The following CYP4F22 variants were observed in gnomAD, a reference collection of about 807,000 sequenced individuals.
CYP4F22 encodes cytochrome P450 family 4 subfamily F member 22.
CYP4F22 carries 37 observed loss-of-function variants against 60.4 expected under a neutral mutation model. The ratio of observed to expected loss-of-function variants is 0.61; its 90% CI spans 0.47 to 0.81. CYP4F22 has a LOEUF of 0.81. Ranked by LOEUF, CYP4F22 falls within the 30% of genes least tolerant of loss-of-function variation. The pLI is 0.00. For missense variants in CYP4F22, 655 were observed against 715.0 expected (o/e 0.92, Z 0.96); for synonymous variants, 258 against 280.5 (o/e 0.92, Z 0.80).
chr19:15,550,762 C>A lies in CYP4F22; in HGVS notation c.1418+6C>A. 6.2e-7 allele frequency: 1 copy of A among 1,614,086 alleles called. No individual in the cohort carries two copies. The highest frequency in any genetic ancestry group is 8.5e-7 in the Non-Finnish European group (1 of 1,179,948). ...CCCTTCTCTGCAGGACCCAGGTAAC[C>A]CCTCTATTTCCCCTAGTCCAAGCCA... On this transcript the variant is annotated splice_donor_region_variant and intron_variant, in intron 13 of 13. Coordinates refer to ENST00000269703, the MANE Select transcript of CYP4F22 (RefSeq NM_173483.4).
At chr19:15,529,574 G>C in intron 3 of CYP4F22, 135 bp from the exon 4 acceptor site, 1 of 1,186,094 alleles carries the variant, frequency 8.4e-7, no homozygotes, top group East Asian at 2.5e-5. Flanking sequence ...GGCCCAGGGA[G>C]GTGCAGCCAA....
intron 1 of CYP4F22, among the ~76,000 whole-genome samples, chr19:15,520,206 C>T (rs1284869232): frequency 2.6e-5 from 4 of 151,654 alleles, no homozygotes; most frequent in East Asian, 1.9e-4. Context: ...ATTAGCTGGG[C>T]GTGGTGGTGG....
At chr19:15,537,723 A>G (rs1311425706) in intron 6 of CYP4F22, 61 bp downstream of exon 6, 4 of 1,607,142 alleles carry the variant, frequency 2.5e-6, no homozygotes, top group Admixed American at 1.7e-5. Context: ...CCAGGCTCCA[A>G]CTCATGCATG....
At chr19:15,545,115 A>C (rs865984923) in intron 10 of CYP4F22, among the ~76,000 whole-genome samples, 7 of 148,986 alleles carry the variant, frequency 4.7e-5, no homozygotes, top group Non-Finnish European at 8.9e-5. Context: ...AAAAAAAAAA[A>C]ACAAAAGCTG....
At chr19:15,528,609 A>G (rs943933099) in intron 3 of CYP4F22, among the ~76,000 whole-genome samples, 1 of 152,142 alleles carries the variant, frequency 6.6e-6, no homozygotes, top group African/African-American at 2.4e-5. Flanking sequence ...TTTGGGGATC[A>G]TGCCCCAAAT....
chr19:15,540,194 A>G (rs1186470509), intron 7 of CYP4F22, among the ~76,000 whole-genome samples: 1 of 152,130 alleles, frequency 6.6e-6, no homozygotes, highest in Non-Finnish European at 1.5e-5. Context: ...GCACTTTGGG[A>G]GGCCAAGGCT....
Position 15,550,614 on chromosome 19 carries a change from G to T in CYP4F22, c.1336-60G>T, listed in dbSNP as rs541709240. 2,889 of 1,570,722 alleles carry T rather than the reference G, an allele frequency of 1.8e-3. 3 individuals carry two copies. Among genetic ancestry groups the T allele is most frequent in the Non-Finnish European group, 2.4e-3 (2,703 of 1,141,082 alleles). ...CTGACCCCCAGAGGCTCAGGGAAGGGGGCCAGGCTGGGATGTCTGGGGCAG... is the reference window on the plus strand; with the variant it reads ...CTGACCCCCAGAGGCTCAGGGAAGGTGGCCAGGCTGGGATGTCTGGGGCAG... On this transcript the variant is annotated intron_variant, in intron 12 of 13. Coordinates refer to ENST00000269703, the MANE Select transcript of CYP4F22 (RefSeq NM_173483.4).
At chr19:15,533,500 A>G (rs896807715) in intron 4 of CYP4F22, among the ~76,000 whole-genome samples, 14 of 152,026 alleles carry the variant, frequency 9.2e-5, no homozygotes, top group Non-Finnish European at 1.9e-4. Flanking sequence ...AAAGAGAACC[A>G]CATAAAATGT....
chr19:15,516,738 A>G (rs1397271675), intron 1 of CYP4F22: 4 of 612,752 alleles, frequency 6.5e-6, no homozygotes, highest in Non-Finnish European at 1.1e-5. Flanking sequence ...AAGTCTTTGT[A>G]TTCAACCTGG....
chr19:15,511,129 G>A (rs1245391934), intron 1 of CYP4F22, among the ~76,000 whole-genome samples: 1 of 150,612 alleles, frequency 6.6e-6, no homozygotes, highest in Non-Finnish European at 1.5e-5. Context: ...ACCATGCCTG[G>A]CTAATTTTGT....
intron 7 of CYP4F22, among the ~76,000 whole-genome samples, chr19:15,539,735 T>C (rs2144531533): frequency 6.6e-6 from 1 of 152,310 alleles, no homozygotes; most frequent in South Asian, 2.1e-4. Context: ...TTTGTTGTTG[T>C]TGTTTTGTTT....
At chr19:15,543,337 A>T (rs900695024) in intron 8 of CYP4F22, among the ~76,000 whole-genome samples, 3 of 151,770 alleles carry the variant, frequency 2.0e-5, no homozygotes, top group African/African-American at 7.3e-5. Context: ...CTGGGACTAC[A>T]GGCATGCATC....
rs550481522 is a variant in CYP4F22 at position 15,547,411 on chromosome 19, C to A, written c.1137-697C>A. On this transcript the variant is annotated intron_variant, in intron 10 of 13. Transcript: ENST00000269703. ...TCCCCTTGGCTGTCCTGGCACCTCG[C>A]CTAGGTGCCCCTGGACCTCCACATA... 1.4e-3 allele frequency among the ~76,000 whole-genome samples: 218 copies of A among 152,210 alleles called. 1 individual carries two copies. The highest frequency in any genetic ancestry group is 5.1e-3 in the African/African-American group (210 of 41,538).
chr19:15,509,350 C>T (rs1226716645), intron 1 of CYP4F22, among the ~76,000 whole-genome samples: 4 of 152,140 alleles, frequency 2.6e-5, no homozygotes, highest in African/African-American at 9.7e-5. Flanking sequence ...TTCATCTGCC[C>T]GCTCACAGCT....
At chr19:15,511,528 G>C (rs1262686470) in intron 1 of CYP4F22, among the ~76,000 whole-genome samples, 1 of 152,142 alleles carries the variant, frequency 6.6e-6, no homozygotes, top group Non-Finnish European at 1.5e-5. Flanking sequence ...CCAGCCTTCT[G>C]GGGTCTGGCA....
At chr19:15,530,785 C>T (rs1286899086) in intron 4 of CYP4F22, among the ~76,000 whole-genome samples, 1 of 151,966 alleles carries the variant, frequency 6.6e-6, no homozygotes, top group Non-Finnish European at 1.5e-5. Context: ...GGTAACCGCC[C>T]CCATGATTCA....
At chr19:15,526,763 T>C (rs1027259928) in intron 3 of CYP4F22, among the ~76,000 whole-genome samples, 3 of 151,300 alleles carry the variant, frequency 2.0e-5, no homozygotes, top group Non-Finnish European at 2.9e-5. Flanking sequence ...TTTTTTTTTT[T>C]CGAGACAGTC....
intron 4 of CYP4F22, among the ~76,000 whole-genome samples, chr19:15,532,171 A>G (rs185502524): frequency 3.3e-5 from 5 of 151,728 alleles, no homozygotes; most frequent in Admixed American, 6.6e-5. Flanking sequence ...CCTTTTTAAT[A>G]TATGTTTTTC....
chr19:15,545,667 A>AGAAAG (rs1555729927), intron 10 of CYP4F22, among the ~76,000 whole-genome samples: 1 of 50,398 alleles, frequency 2.0e-5, no homozygotes, highest in African/African-American at 1.1e-4. Flanking sequence ...AAAAAAAAAA[A>AGAAAG]AAAAGAAAAG....
Sources: allele counts gnomAD v4.1 joint callset (sites outside exome capture counted in the v4.1 genomes callset), GRCh38; gene constraint gnomAD v4.1.1; transcripts MANE v1.5; gene names NCBI Gene and HGNC (gene_info 2026-07-23, HGNC 2026-07-21).